Variants in SLC22A16 observed in about 807,000 individuals in gnomAD.
The protein encoded by SLC22A16 is solute carrier family 22 member 16.
In SLC22A16, 53 loss-of-function variants were observed where a neutral mutation model predicts 52.9. The ratio of observed to expected loss-of-function variants is 1.00; its 90% confidence interval spans 0.80 to 1.26. The LOEUF is 1.26. Ranked by LOEUF, SLC22A16 falls within the 50% of genes most tolerant of loss-of-function variation. SLC22A16 has a pLI of 0.00. For synonymous variants in SLC22A16, 291 were observed against 268.8 expected (o/e 1.08, Z -0.81); for missense variants, 726 against 704.0 (o/e 1.03, Z -0.35).
At chr6:110,466,950 TA>T (rs1341922272) in intron 1 of SLC22A16, among the ~76,000 whole-genome samples, 5 of 152,098 alleles carry the variant, frequency 3.3e-5, no homozygotes, top group Non-Finnish European at 5.9e-5. Context: ...GATAGATAGA[TA>T]GATAGATAGA....
chr6:110,426,765 A>G (rs972846074), intron 7 of SLC22A16, among the ~76,000 whole-genome samples: 1 of 152,210 alleles, frequency 6.6e-6, no homozygotes, highest in African/African-American at 2.4e-5. Context: ...AGCCTGGCCA[A>G]CATGGTGAAA....
intron 7 of SLC22A16, among the ~76,000 whole-genome samples, chr6:110,430,354 T>A (rs910371961): frequency 6.6e-6 from 1 of 151,798 alleles, no homozygotes; most frequent in Admixed American, 6.6e-5. Context: ...AGAATGTACA[T>A]GAGGCTGGAG....
chr6:110,475,012 T>C (rs1562305992), intron 1 of SLC22A16: 1 of 518,684 alleles, frequency 1.9e-6, no homozygotes, highest in Admixed American at 1.9e-5. Flanking sequence ...TTGAAAACAT[T>C]TGTACTATTA....
chr6:110,431,297 C>A, intron 6 of SLC22A16, 27 bp from the exon 7 acceptor site: 1 of 1,596,768 alleles, frequency 6.3e-7, no homozygotes, highest in Non-Finnish European at 8.6e-7. Context: ...GAGGCTGAGA[C>A]AAGTAAGGCA....
rs2114862299 is a variant in SLC22A16 at position 110,424,947 on chromosome 6, G to T, written c.1660C>A (p.Leu554Ile). ...AGCCCACTATTATTAGTTGTGAGAA[G>T]TAATTTGCTTGACTTGCTTTCATTC... ...SENESKSSKL[L>I]LTTNNSGLEK... is the part of the protein sequence containing the mutation. The change falls in exon 8 of 8, where the codon CTT becomes ATT. Residue 554 changes from leucine (L) to isoleucine (I), a missense_variant. Physicochemically the swap from Leu to Ile is conservative, Grantham distance 5 (BLOSUM62 2). Transcript: ENST00000368919. 2.5e-6 allele frequency: 4 copies of T among 1,614,156 alleles called. No homozygotes were observed. Among genetic ancestry groups the T allele is most frequent in the Non-Finnish European group, 1.7e-6 (2 of 1,180,030 alleles).
At chr6:110,461,150 C>A (rs543145190) in intron 1 of SLC22A16, among the ~76,000 whole-genome samples, 1 of 152,174 alleles carries the variant, frequency 6.6e-6, no homozygotes, top group African/African-American at 2.4e-5. Flanking sequence ...GCCCATCTAC[C>A]GCTCCCTACA....
intron 7 of SLC22A16, among the ~76,000 whole-genome samples, chr6:110,430,914 G>T (rs1235509321): frequency 6.6e-5 from 10 of 152,200 alleles, no homozygotes; most frequent in African/African-American, 2.4e-4. Flanking sequence ...CCAGGCAAGG[G>T]TGAGGACATG....
intron 1 of SLC22A16, among the ~76,000 whole-genome samples, chr6:110,472,798 T>C (rs751825507): frequency 3.9e-5 from 6 of 152,038 alleles, no homozygotes; most frequent in Non-Finnish European, 5.9e-5. Flanking sequence ...GGAAAAATAA[T>C]CACACAAACA....
At position 110,461,150 on chromosome 6, in the gene SLC22A16, C is replaced by T. The variant is rs543145190; in HGVS notation, c.54-4133G>A. 1.4e-4 allele frequency among the ~76,000 whole-genome samples: 22 copies of T among 152,292 alleles called. No individual in the cohort carries two copies. The South Asian group carries it at 2.7e-3, about 19-fold the overall frequency. On this transcript the variant is annotated intron_variant, in intron 1 of 7. Coordinates refer to ENST00000368919, the MANE Select transcript of SLC22A16 (RefSeq NM_033125.4). ...TTCAGAAAAGGCAGGGCCCATCTAC[C>T]GCTCCCTACACAAAGTAGCAATGTC...
At chr6:110,425,552 G>A (rs1165507560) in intron 7 of SLC22A16, among the ~76,000 whole-genome samples, 1 of 152,186 alleles carries the variant, frequency 6.6e-6, no homozygotes, top group Non-Finnish European at 1.5e-5. Context: ...GTAAATGATA[G>A]GGAATGAATG....
intron 4 of SLC22A16, 31 bp from the exon 5 acceptor site, chr6:110,438,878 C>T: frequency 6.2e-7 from 1 of 1,611,184 alleles, no homozygotes; most frequent in Non-Finnish European, 8.5e-7. Context: ...CTCTATAAGT[C>T]TAGGTACCCG....
intron 1 of SLC22A16, chr6:110,475,848 A>G (rs755547041): frequency 4.0e-5 from 18 of 451,240 alleles, no homozygotes; most frequent in Non-Finnish European, 7.5e-5. Flanking sequence ...AAGAGGGTGT[A>G]CGGAGGTTAA....
At position 110,453,437 on chromosome 6, in the gene SLC22A16, C is replaced by G. The variant is rs527771033; in HGVS notation, c.533+3101G>C. Among the ~76,000 whole-genome samples the G allele has an allele frequency of 3.3e-5, 5 of 152,266 alleles. No individual in the cohort carries two copies. In the East Asian group the frequency reaches 9.6e-4, roughly 29 times the overall value. On this transcript the variant is annotated intron_variant, in intron 2 of 7. Coordinates refer to ENST00000368919, the MANE Select transcript of SLC22A16 (RefSeq NM_033125.4). ...ACAAAGAATATTCAATTTTATTTTA[C>G]TCTAAGTTAATATGTTAATCTGTAC...
intron 1 of SLC22A16, among the ~76,000 whole-genome samples, chr6:110,461,797 A>G (rs1332944422): frequency 3.3e-5 from 5 of 152,192 alleles, no homozygotes; most frequent in Admixed American, 3.3e-4. Flanking sequence ...TATATACTAC[A>G]GCCACACCCT....
At chr6:110,476,354 C>T (rs1204873834) in intron 1 of SLC22A16, 168 bp downstream of exon 1, 1 of 1,381,250 alleles carries the variant, frequency 7.2e-7, no homozygotes, top group African/African-American at 1.5e-5. Context: ...GAGGAGAAGC[C>T]CAGCTAGGGG....
chr6:110,473,958 G>T (rs1220204835), intron 1 of SLC22A16, among the ~76,000 whole-genome samples: 1 of 152,090 alleles, frequency 6.6e-6, no homozygotes, highest in Admixed American at 6.5e-5. Flanking sequence ...CTGGTCCATG[G>T]CCTGTTAGAA....
chr6:110,442,643 A>G lies in SLC22A16; in HGVS notation c.784T>C (p.Tyr262His). Residue 262 changes from tyrosine to histidine, a missense_variant, in exon 4 of 8, where the codon TAC becomes CAC. By Grantham distance (83) the Tyr-to-His change is moderately conservative. Transcript: ENST00000368919. ...TAAAGCCACCAGGTCCTGACCAAGT[A>G]TCCTGTCAAAGCCACCAGCAGGGTT... ...VGTLLVALTG[Y>H]LVRTWWLYQM... The G allele has an allele frequency of 6.2e-7, 1 of 1,614,212 alleles. No individual in the cohort carries two copies. The highest frequency in any genetic ancestry group is 8.5e-7 in the Non-Finnish European group (1 of 1,180,024).
At chr6:110,468,828 T>C (rs368724709) in intron 1 of SLC22A16, among the ~76,000 whole-genome samples, 16 of 152,260 alleles carry the variant, frequency 1.1e-4, no homozygotes, top group African/African-American at 3.4e-4. Flanking sequence ...TGAGTGGTGC[T>C]GACCCTCACA....
chr6:110,446,221 T>A (rs1775165058), intron 3 of SLC22A16, among the ~76,000 whole-genome samples: 1 of 152,312 alleles, frequency 6.6e-6, no homozygotes, highest in East Asian at 1.9e-4. Flanking sequence ...TCACTGAGCA[T>A]GGAAACAGCC....
Sources: gnomAD v4.1 joint callset for allele counts (sites outside exome capture counted in the v4.1 genomes callset) on GRCh38, gnomAD v4.1.1 for gene constraint, MANE v1.5 for transcripts, NCBI Gene and HGNC (gene_info 2026-07-23, HGNC 2026-07-21) for gene names.